AGBL1: variants seen among roughly 807,000 people sequenced by gnomAD.
The protein encoded by AGBL1 is AGBL carboxypeptidase 1, also known as cytosolic carboxypeptidase 4.
A neutral mutation model predicts 118.9 loss-of-function variants in AGBL1; 130 were observed. The ratio of observed to expected loss-of-function variants is 1.09; its 90% CI spans 0.95 to 1.26. The LOEUF is 1.26. Ranked by LOEUF, AGBL1 falls within the 50% of genes most tolerant of loss-of-function variation. The pLI, the probability that AGBL1 is intolerant of heterozygous loss-of-function variation, is 0.00. For missense variants in AGBL1, 1,584 were observed against 1,298.1 expected (o/e 1.22, Z -3.38); for synonymous variants, 555 against 478.9 (o/e 1.16, Z -2.08).
At chr15:86,949,005 G>C (rs1328784010) in intron 23 of AGBL1, among the ~76,000 whole-genome samples, 1 of 152,198 alleles carries the variant, frequency 6.6e-6, no homozygotes. Flanking sequence ...GACAGGAACT[G>C]TGTGGTCCAT....
chr15:86,925,145 AGGAGGAGGAGG>A (rs2080520056), intron 23 of AGBL1, among the ~76,000 whole-genome samples: 2 of 30,656 alleles, frequency 6.5e-5, no homozygotes, highest in Admixed American at 7.0e-4. Context: ...GAAGAGGAAG[AGGAGGAGGAGG>A]AGGAGGAGGA....
At chr15:86,727,787 A>C (rs143874000) in intron 22 of AGBL1, among the ~76,000 whole-genome samples, 2 of 152,214 alleles carry the variant, frequency 1.3e-5, no homozygotes, top group African/African-American at 4.8e-5. Flanking sequence ...AGTTGCAAAA[A>C]TCCCACAAAT....
At position 86,913,258 on chromosome 15, in the gene AGBL1, G is replaced by T. The variant is rs2080375768; in HGVS notation, c.*5964G>T. ...CAGGGCTTTAAGCATAACAATGAGT[G>T]AGGGAAGGTTGATCCTCAGACACAT... On this transcript the variant is annotated 3_prime_UTR_variant, in exon 23 of 23. Transcript: ENST00000614907. 1.3e-5 allele frequency: 2 copies of T among 152,012 alleles called. No homozygotes were observed. The highest frequency in any genetic ancestry group is 4.8e-5 in the African/African-American group (2 of 41,342). The allele number at this position is 152,012 out of a possible 1,614,324, so 9.4% of individuals were successfully genotyped here. A position where few individuals can be genotyped will look rare whatever the true frequency, so the allele number is the denominator to read the frequency against.
intron 6 of AGBL1, among the ~76,000 whole-genome samples, chr15:86,229,668 T>C (rs1908785): frequency 0.013 from 1,937 of 152,280 alleles, 27 homozygotes; most frequent in East Asian, 0.069. Context: ...TTTCCCTCTT[T>C]CTTTTTGCTT....
At chr15:86,905,448 CAA>C (rs1352940814) in intron 22 of AGBL1, among the ~76,000 whole-genome samples, 7 of 152,284 alleles carry the variant, frequency 4.6e-5, no homozygotes, top group African/African-American at 1.4e-4. Context: ...GCTGGTTTTG[CAA>C]CAGTTATTGC....
Position 86,430,176 on chromosome 15 carries a change from G to A in AGBL1, c.2555+32630G>A, listed in dbSNP as rs117409917. Among the ~76,000 whole-genome samples the A allele has an allele frequency of 3.3e-5, 5 of 152,226 alleles. No homozygotes were observed. In the East Asian group the frequency reaches 9.7e-4, roughly 29 times the overall value. The stretch of plus-strand genomic sequence containing the variant: ...ACATTTTCTTAATAGGATTTACTAA[G>A]CACCTTAAAGCAGAATTCAGTGATT... On this transcript the variant is annotated intron_variant, in intron 18 of 22. Coordinates refer to ENST00000614907, the MANE Select transcript of AGBL1 (RefSeq NM_001386094.1).
chr15:86,739,448 A>AG (rs1290781594), intron 22 of AGBL1, among the ~76,000 whole-genome samples: 2 of 149,630 alleles, frequency 1.3e-5, no homozygotes, highest in Non-Finnish European at 3.0e-5. Context: ...CATCTCAAAA[A>AG]AAAAAAAAAA....
At position 86,482,302 on chromosome 15, in the gene AGBL1, A is replaced by G. The variant is rs2082661923; in HGVS notation, c.2556-40508A>G. ...AGATCCCAGCTGAAGGGAGCTAGAGAGCACAAATGGTTATTAATTATTGTT... is the reference window on the plus strand; with the variant it reads ...AGATCCCAGCTGAAGGGAGCTAGAGGGCACAAATGGTTATTAATTATTGTT... On this transcript the variant is annotated intron_variant, in intron 18 of 22. Coordinates refer to ENST00000614907, the MANE Select transcript of AGBL1 (RefSeq NM_001386094.1). Among the ~76,000 whole-genome samples, 3 of 152,158 alleles carry G rather than the reference A, an allele frequency of 2.0e-5. No homozygotes were observed. The South Asian group carries it at 6.2e-4, about 31-fold the overall frequency.
chr15:86,774,044 G>A (rs1252876444), intron 22 of AGBL1, among the ~76,000 whole-genome samples: 31 of 152,190 alleles, frequency 2.0e-4, no homozygotes, highest in Admixed American at 2.0e-3. Context: ...ATTAGGGCAG[G>A]TGGTTCCATC....
At chr15:86,337,923 T>G (rs2141875901) in intron 17 of AGBL1, among the ~76,000 whole-genome samples, 1 of 152,326 alleles carries the variant, frequency 6.6e-6, no homozygotes, top group South Asian at 2.1e-4. Context: ...TTATTTTAAT[T>G]CATTCATTTA....
chr15:86,497,676 C>G (rs1357872835), intron 18 of AGBL1, among the ~76,000 whole-genome samples: 3 of 151,842 alleles, frequency 2.0e-5, no homozygotes, highest in Non-Finnish European at 4.4e-5. Context: ...GTCATATAAC[C>G]TGGAGTATGG....
chr15:86,369,946 C>T (rs1296890444), intron 17 of AGBL1, among the ~76,000 whole-genome samples: 1 of 152,140 alleles, frequency 6.6e-6, no homozygotes, highest in East Asian at 1.9e-4. Context: ...CACCCAACAA[C>T]TGGATTTACA....
intron 5 of AGBL1, among the ~76,000 whole-genome samples, chr15:86,201,832 G>A (rs958106117): frequency 2.6e-5 from 4 of 152,106 alleles, no homozygotes; most frequent in East Asian, 1.9e-4. Context: ...TAGGCCGCAC[G>A]GATTTAAATG....
chr15:86,296,041 T>C (rs904106424), intron 17 of AGBL1: 1 of 152,326 alleles, frequency 6.6e-6, no homozygotes, highest in African/African-American at 2.4e-5. Flanking sequence ...CGTGTATACA[T>C]GTGTAGACAC....
intron 18 of AGBL1, among the ~76,000 whole-genome samples, chr15:86,414,580 A>G (rs2081664740): frequency 6.6e-6 from 1 of 152,188 alleles, no homozygotes; most frequent in Non-Finnish European, 1.5e-5. Flanking sequence ...AAGTTCAAAC[A>G]ATTTTGGGTA....
rs185044062 is a variant in AGBL1 at position 86,419,618 on chromosome 15, T to A, written c.2555+22072T>A. On this transcript the variant is annotated intron_variant, in intron 18 of 22. Coordinates refer to ENST00000614907, the MANE Select transcript of AGBL1 (RefSeq NM_001386094.1). The stretch of plus-strand genomic sequence containing the variant: ...CAGGAATGCCAGCAAGACAGAACCA[T>A]TCACTCCCCTGGAAAAGAGGCTGAA... Among the ~76,000 whole-genome samples the A allele has an allele frequency of 3.1e-3, 474 of 151,484 alleles. 1 individual carries two copies. Among genetic ancestry groups the A allele is most frequent in the African/African-American group, 0.011 (447 of 41,324 alleles).
chr15:86,789,544 G>A (rs1696190525), intron 22 of AGBL1, among the ~76,000 whole-genome samples: 1 of 152,132 alleles, frequency 6.6e-6, no homozygotes, highest in African/African-American at 2.4e-5. Flanking sequence ...CTAAGGGGGA[G>A]GTGAGTAATG....
intron 24 of AGBL1, among the ~76,000 whole-genome samples, chr15:87,017,589 G>A (rs1456613813): frequency 2.0e-5 from 3 of 152,022 alleles, no homozygotes; most frequent in African/African-American, 7.2e-5. Flanking sequence ...CAGACAAACA[G>A]AAAACAACAA....
intron 22 of AGBL1, among the ~76,000 whole-genome samples, chr15:86,741,148 C>A (rs2077671960): frequency 6.6e-6 from 1 of 151,770 alleles, no homozygotes; most frequent in Non-Finnish European, 1.5e-5. Context: ...GTTAGGGGAC[C>A]ACTGTGGTTT....
Sources: allele counts gnomAD v4.1 joint callset (sites outside exome capture counted in the v4.1 genomes callset), GRCh38; gene constraint gnomAD v4.1.1; transcripts MANE v1.5; gene names NCBI Gene and HGNC (gene_info 2026-07-23, HGNC 2026-07-21).